The following SRP19 variants were observed in gnomAD, a reference collection of about 807,000 sequenced individuals.
The protein encoded by SRP19 is signal recognition particle 19.
In SRP19, 11 loss-of-function variants were observed where a neutral mutation model predicts 22.4. The observed-to-expected ratio is 0.49, with a 90% CI of 0.31 to 0.81. SRP19 has a LOEUF of 0.81. Ranked by LOEUF, SRP19 falls within the 40% of genes least tolerant of loss-of-function variation. SRP19 has a pLI of 0.05. For missense variants in SRP19, 168 were observed against 175.9 expected (o/e 0.96, Z 0.25); for synonymous variants, 61 against 57.6 (o/e 1.06, Z -0.27).
chr5:112,892,990 C>G, exon 5 of SRP19: 2 of 1,581,046 alleles, frequency 1.3e-6, no homozygotes, highest in Non-Finnish European at 1.7e-6. Flanking sequence ...CCACCGCAGC[C>G]GGAGCCAAAG....
intron 3 of SRP19, 21 bp downstream of exon 3, chr5:112,864,549 A>G (rs369947658): frequency 4.3e-6 from 7 of 1,612,964 alleles, no homozygotes; most frequent in African/African-American, 2.7e-5. Flanking sequence ...GTTCTTCACT[A>G]TTTTCCATAC....
At chr5:112,891,316 G>A (rs1270769137) in intron 4 of SRP19, among the ~76,000 whole-genome samples, 5 of 151,760 alleles carry the variant, frequency 3.3e-5, no homozygotes, top group African/African-American at 9.7e-5. Context: ...CAGGTGATCC[G>A]CCCATTTCGG....
chr5:112,886,099 T>A (rs79561862), intron 4 of SRP19, among the ~76,000 whole-genome samples: 10,093 of 152,260 alleles, frequency 0.066, 400 homozygotes, highest in South Asian at 0.14. Context: ...CTGGTTAGTG[T>A]CTAAGGAGTG....
intron 4 of SRP19, chr5:112,878,689 G>A: frequency 1.3e-6 from 2 of 1,518,544 alleles, no homozygotes; most frequent in Non-Finnish European, 8.9e-7. Flanking sequence ...TGTTTCCAAG[G>A]CAACATTATT....
At chr5:112,897,605 G>A (rs556592384), downstream of SRP19, 125 of 152,300 alleles carry the variant, frequency 8.2e-4, no homozygotes, top group African/African-American at 2.8e-3. Context: ...CTCAGAATAT[G>A]CATGATCCAA....
At chr5:112,893,094 TAA>T (rs552226372), downstream of SRP19, 8,618 of 497,014 alleles carry the variant, frequency 0.017, 63 homozygotes, top group African/African-American at 0.056. Context: ...GTTTTGTTCT[TAA>T]AAAAAAAAAA....
At chr5:112,870,553 T>C (rs147481719), downstream of SRP19, among the ~76,000 whole-genome samples, 262 of 152,246 alleles carry the variant, frequency 1.7e-3, 1 homozygote, top group African/African-American at 5.3e-3. Context: ...AATGGTTTAC[T>C]TTTGGGGCAA....
In SRP19 at chr5:112,891,506, G is replaced by C. The variant is rs573987129; in HGVS notation, c.302-97G>C. The C allele has an allele frequency of 5.7e-6, 7 of 1,221,440 alleles. No individual in the cohort carries two copies. In the African/African-American group the frequency reaches 1.1e-4, roughly 19 times the overall value. 75.7% of individuals were successfully genotyped at this position (1,221,440 alleles called of 1,614,324 possible). A position where few individuals can be genotyped will look rare whatever the true frequency, so the allele number is the denominator to read the frequency against. ...TGAAAGTAATTTGTAATATATATAA[G>C]TATGCAAACAAAACAATACTAGAAA... On this transcript the variant is annotated intron_variant, in intron 4 of 4. Transcript: ENST00000391338.
intron 4 of SRP19, among the ~76,000 whole-genome samples, chr5:112,880,998 C>A (rs887942213): frequency 2.6e-5 from 4 of 151,776 alleles, no homozygotes; most frequent in African/African-American, 9.7e-5. Flanking sequence ...GCGTGGTGGC[C>A]CACACCTGTA....
chr5:112,872,213 A>T (rs942260150), downstream of SRP19, among the ~76,000 whole-genome samples: 6 of 151,288 alleles, frequency 4.0e-5, no homozygotes, highest in African/African-American at 7.3e-5. Flanking sequence ...TACTAAAAGT[A>T]TGGTTGAAGG....
At chr5:112,862,749 A>G (rs1767455334) in intron 2 of SRP19, among the ~76,000 whole-genome samples, 166 bp downstream of exon 2, 1 of 152,212 alleles carries the variant, frequency 6.6e-6, no homozygotes, top group African/African-American at 2.4e-5. Context: ...TGGTGAAACC[A>G]GAAAGGCATT....
At chr5:112,892,294 T>C (rs1171544483) in exon 5 of SRP19, 1 of 1,613,930 alleles carries the variant, frequency 6.2e-7, no homozygotes, top group Non-Finnish European at 8.5e-7. Flanking sequence ...AATGGAGCAG[T>C]GCAGGAGGGA....
intron 4 of SRP19, chr5:112,891,539 A>G: frequency 6.7e-7 from 1 of 1,485,840 alleles, no homozygotes; most frequent in Admixed American, 2.0e-5. Flanking sequence ...AAAACATAAA[A>G]TATTCATAAG....
Position 112,869,510 on chromosome 5 carries a change from G to C in SRP19, c.*1973G>C, listed in dbSNP as rs439456. The C allele has an allele frequency of 0.56, 85,777 of 152,152 alleles. 26,356 individuals carry two copies. The highest frequency in any genetic ancestry group is 0.82 in the East Asian group (4,265 of 5,176). 9.4% of individuals were successfully genotyped at this position (152,152 alleles called of 1,614,324 possible). A position where few individuals can be genotyped will look rare whatever the true frequency, so the allele number is the denominator to read the frequency against. On this transcript the variant is annotated 3_prime_UTR_variant, in exon 5 of 5. Coordinates refer to ENST00000505459, the MANE Select transcript of SRP19 (RefSeq NM_003135.3). ...TATCCTTGGGGAATACATTCCAAGA[G>C]TGGATCCCTGAAACAGCAGATAGTA...
In SRP19 at chr5:112,862,565, G is replaced by A. The variant is rs780878989; in HGVS notation, c.99G>A (p.Arg33=). The change falls in exon 2 of 5, where the codon AGG becomes AGA. Residue 33 remains arginine, a synonymous_variant. Coordinates refer to ENST00000505459, the MANE Select transcript of SRP19 (RefSeq NM_003135.3). ...LNNKKTIAEG[R]RIPISKAVEN... is the part of the protein sequence containing the mutation. Reference sequence around the variant, plus strand: ...ATAAGAAGACCATCGCAGAGGGAAGGCGAATCCCCATAAGTAAGGTAAGCA... The same window carrying A: ...ATAAGAAGACCATCGCAGAGGGAAGACGAATCCCCATAAGTAAGGTAAGCA... The A allele has an allele frequency of 6.2e-7, 1 of 1,613,864 alleles. No individual in the cohort carries two copies. The highest frequency in any genetic ancestry group is 8.5e-7 in the Non-Finnish European group (1 of 1,179,950).
chr5:112,871,401 C>T (rs1316738171), downstream of SRP19, among the ~76,000 whole-genome samples: 1 of 151,874 alleles, frequency 6.6e-6, no homozygotes, highest in Non-Finnish European at 1.5e-5. Flanking sequence ...CTCAACCTCC[C>T]AGCCTCAAGT....
Position 112,869,200 on chromosome 5 carries a change from C to T in SRP19, c.*1663C>T, listed in dbSNP as rs7728766. 9,566 of 152,126 alleles carry T rather than the reference C, an allele frequency of 0.063. 561 individuals carry two copies. The highest frequency in any genetic ancestry group is 0.16 in the East Asian group (827 of 5,174). 9.4% of individuals were successfully genotyped at this position (152,126 alleles called of 1,614,324 possible). A position where few individuals can be genotyped will look rare whatever the true frequency, so the allele number is the denominator to read the frequency against. On this transcript the variant is annotated 3_prime_UTR_variant, in exon 5 of 5. Coordinates refer to ENST00000505459, the MANE Select transcript of SRP19 (RefSeq NM_003135.3). ...CAGTGATGCCTTTTTTGTATTTTTC[C>T]GCTCTGCTGTCCATGACATATTTCT...
At chr5:112,874,946 T>G (rs1030692743) in intron 4 of SRP19, among the ~76,000 whole-genome samples, 8 of 152,074 alleles carry the variant, frequency 5.3e-5, no homozygotes, top group African/African-American at 1.9e-4. Flanking sequence ...CGGCTAATTT[T>G]TTTGTATTTA....
At position 112,861,407 on chromosome 5, in the gene SRP19, G is replaced by T; in HGVS notation, c.31G>T (p.Asp11Tyr). ...TTGCGCTGCCGCGCGGTCCCCGGCC[G>T]ACCAGGACAGGTGGGTTCTGAGGCG... MACAAARSPA[D>Y]QDRFICIYPA... Residue 11 changes from aspartate (D) to tyrosine (Y), a missense_variant, in exon 1 of 5, where the codon GAC becomes TAC. Coordinates refer to ENST00000505459, the MANE Select transcript of SRP19 (RefSeq NM_003135.3). The T allele has an allele frequency of 6.2e-7, 1 of 1,614,086 alleles. No individual in the cohort carries two copies. Among genetic ancestry groups the T allele is most frequent in the South Asian group, 1.1e-5 (1 of 91,060 alleles).
Sources: allele counts gnomAD v4.1 joint callset (sites outside exome capture counted in the v4.1 genomes callset), GRCh38; gene constraint gnomAD v4.1.1; transcripts MANE v1.5; gene names NCBI Gene and HGNC (gene_info 2026-07-23, HGNC 2026-07-21).